The following ST6GALNAC3 variants were observed in gnomAD, a reference collection of about 807,000 sequenced individuals.
ST6GALNAC3 encodes the protein alpha-N-acetylgalactosaminide alpha-2,6-sialyltransferase 3.
Under a neutral mutation model 32.7 loss-of-function variants are expected in ST6GALNAC3, and 25 were observed. The observed-to-expected ratio is 0.76, with a 90% confidence interval of 0.56 to 1.07. The LOEUF is 1.07. Ranked by LOEUF, ST6GALNAC3 falls within the 50% of genes least tolerant of loss-of-function variation. ST6GALNAC3 has a pLI of 0.00. For missense variants in ST6GALNAC3, 355 were observed against 382.4 expected, an observed-to-expected ratio of 0.93 and a Z score of 0.60; for synonymous variants, 129 against 133.1, an observed-to-expected ratio of 0.97 and a Z score of 0.21.
rs185327206 is a variant in ST6GALNAC3 at position 76,570,104 on chromosome 1, T to C, written c.624-57348T>C. On this transcript the variant is annotated intron_variant, in intron 3 of 4. Transcript: ENST00000328299. ...GCTATACTCTGAACTATGGAAATAA[T>C]GGATCTAATTTAGATAGTTAATCCA... is the stretch of plus-strand genomic sequence containing the variant. Among the ~76,000 whole-genome samples the C allele has an allele frequency of 4.5e-4, 68 of 152,288 alleles. No homozygotes were observed. In the Middle Eastern group the frequency reaches 0.01, roughly 23 times the overall value.
At chr1:76,579,463 G>A (rs376471673) in intron 3 of ST6GALNAC3, among the ~76,000 whole-genome samples, 3 of 151,872 alleles carry the variant, frequency 2.0e-5, no homozygotes, top group African/African-American at 7.3e-5. Context: ...AAAATTCACC[G>A]TAAGTCTTAA....
At chr1:76,577,148 C>G (rs1570344286) in intron 3 of ST6GALNAC3, 1 of 1,055,782 alleles carries the variant, frequency 9.5e-7, no homozygotes, top group East Asian at 7.5e-5. Flanking sequence ...AATGTTGTCT[C>G]TCTGTTTTGA....
In ST6GALNAC3 at chr1:76,633,322, C is replaced by T. The variant is rs184259064; in HGVS notation, c.*4516C>T. On this transcript the variant is annotated 3_prime_UTR_variant, in exon 5 of 5. Transcript: ENST00000328299. ...GGCTCCAAATTGTGCTAATTCTGCT[C>T]AGGATGAAACAAATCCCCACGCTGA... 54 of 152,260 alleles carry T rather than the reference C, an allele frequency of 3.5e-4. No homozygotes were observed. The highest frequency in any genetic ancestry group is 1.3e-3 in the African/African-American group (52 of 41,544). 9.4% of individuals were successfully genotyped at this position (152,260 alleles called of 1,614,324 possible).
Position 76,630,001 on chromosome 1 carries a change from A to G in ST6GALNAC3, c.*1195A>G, listed in dbSNP as rs541361301. 8.1e-6 allele frequency: 8 copies of G among 985,174 alleles called. No individual in the cohort carries two copies. The African/African-American group carries it at 1.4e-4, about 17-fold the overall frequency. The allele number at this position is 985,174 out of a possible 1,614,324, so 61.0% of individuals were successfully genotyped here. A position where few individuals can be genotyped will look rare whatever the true frequency, so the allele number is the denominator to read the frequency against. On this transcript the variant is annotated 3_prime_UTR_variant, in exon 5 of 5. Coordinates refer to ENST00000328299, the MANE Select transcript of ST6GALNAC3 (RefSeq NM_152996.4). ...CAATAACAACAATAATAATGTTCTT[A>G]ATGTCCAAAGTGCTTTGTCATTTAG...
chr1:76,311,727 G>A (rs1646767307), intron 1 of ST6GALNAC3, among the ~76,000 whole-genome samples: 1 of 152,136 alleles, frequency 6.6e-6, no homozygotes, highest in Non-Finnish European at 1.5e-5. Flanking sequence ...TGTGAATGGT[G>A]CTGCAATAAA....
rs544387319 is a variant in ST6GALNAC3 at position 76,633,516 on chromosome 1, A to T, written c.*4710A>T. 1.3e-5 allele frequency: 2 copies of T among 152,328 alleles called. No homozygotes were observed. The highest frequency in any genetic ancestry group is 3.9e-4 in the East Asian group (2 of 5,178). 9.4% of individuals were successfully genotyped at this position (152,328 alleles called of 1,614,324 possible). A position where few individuals can be genotyped will look rare whatever the true frequency, so the allele number is the denominator to read the frequency against. Reference sequence around the variant, plus strand: ...GTTTCTTAGTTTCTCTTTGTGATTGAGGATGAGCAAGCCATTGATACACCA... The same window carrying T: ...GTTTCTTAGTTTCTCTTTGTGATTGTGGATGAGCAAGCCATTGATACACCA... On this transcript the variant is annotated 3_prime_UTR_variant, in exon 5 of 5. Transcript: ENST00000328299.
chr1:76,327,888 C>T (rs1211502255), intron 2 of ST6GALNAC3, among the ~76,000 whole-genome samples: 3 of 152,098 alleles, frequency 2.0e-5, no homozygotes, highest in Admixed American at 6.6e-5. Flanking sequence ...CCATGCCTGG[C>T]CCAGAATAAT....
chr1:76,205,767 G>T (rs1476500303), intron 1 of ST6GALNAC3, among the ~76,000 whole-genome samples: 1 of 152,198 alleles, frequency 6.6e-6, no homozygotes, highest in Non-Finnish European at 1.5e-5. Context: ...ATGCTTCAAA[G>T]AATTGAGAAT....
chr1:76,327,159 G>A (rs1037767641), intron 2 of ST6GALNAC3, among the ~76,000 whole-genome samples: 2 of 151,728 alleles, frequency 1.3e-5, no homozygotes, highest in African/African-American at 2.4e-5. Context: ...ACTTCTCAAG[G>A]TTGTATTTTC....
At chr1:76,117,963 A>G (rs1392066938) in intron 1 of ST6GALNAC3, among the ~76,000 whole-genome samples, 1 of 152,196 alleles carries the variant, frequency 6.6e-6, no homozygotes, top group African/African-American at 2.4e-5. Flanking sequence ...TATTTATAAG[A>G]CACAGTAAGT....
chr1:76,264,757 C>T (rs1037287953), intron 1 of ST6GALNAC3, among the ~76,000 whole-genome samples: 1 of 152,060 alleles, frequency 6.6e-6, no homozygotes, highest in African/African-American at 2.4e-5. Context: ...TTAATAGAGC[C>T]ATTAAACCTC....
At chr1:76,565,516 C>T (rs539938810) in intron 3 of ST6GALNAC3, among the ~76,000 whole-genome samples, 35 of 152,232 alleles carry the variant, frequency 2.3e-4, no homozygotes, top group Admixed American at 8.5e-4. Context: ...CGGGCTTCCT[C>T]GAAGTCATCT....
intron 1 of ST6GALNAC3, among the ~76,000 whole-genome samples, chr1:76,096,919 T>TG (rs1316783633): frequency 1.5e-5 from 2 of 136,310 alleles, no homozygotes; most frequent in Non-Finnish European, 3.2e-5. Context: ...GTCATAGAGC[T>TG]TTTTTTTTTT....
chr1:76,287,376 C>CTT (rs1659839729), intron 1 of ST6GALNAC3, among the ~76,000 whole-genome samples: 2 of 132,788 alleles, frequency 1.5e-5, no homozygotes, highest in South Asian at 2.4e-4. Context: ...TGTAGGTTTT[C>CTT]TTTTTTCTTC....
chr1:76,583,690 T>G (rs751858621), intron 3 of ST6GALNAC3, among the ~76,000 whole-genome samples: 12 of 152,176 alleles, frequency 7.9e-5, no homozygotes, highest in Non-Finnish European at 1.6e-4. Context: ...ACTATGTGCT[T>G]AGGACGCTGT....
At chr1:76,604,563 C>A (rs979481317) in intron 3 of ST6GALNAC3, among the ~76,000 whole-genome samples, 1 of 152,124 alleles carries the variant, frequency 6.6e-6, no homozygotes, top group Admixed American at 6.6e-5. Flanking sequence ...CATTCCTGTT[C>A]CTCTTCTCTT....
chr1:76,490,405 AT>A (rs552388588), intron 3 of ST6GALNAC3, among the ~76,000 whole-genome samples: 31 of 150,882 alleles, frequency 2.1e-4, no homozygotes, highest in Middle Eastern at 3.5e-3. Flanking sequence ...AGACACTTCA[AT>A]TTTGGGCACA....
chr1:76,301,331 T>C (rs1373308938), intron 1 of ST6GALNAC3, among the ~76,000 whole-genome samples: 2 of 151,868 alleles, frequency 1.3e-5, no homozygotes, highest in Non-Finnish European at 2.9e-5. Flanking sequence ...GGATGGCTAA[T>C]ACTGTTGGAA....
At position 76,412,094 on chromosome 1, in the gene ST6GALNAC3, A is replaced by C. The variant is rs367711575; in HGVS notation, c.300A>C (p.Arg100=). The C allele has an allele frequency of 8.7e-6, 14 of 1,613,560 alleles. No homozygotes were observed. The highest frequency in any genetic ancestry group is 5.3e-5 in the African/African-American group (4 of 74,868). The part of the protein sequence containing the change: ...VGQKVGNEID[R]SSCIWRMNNA... Reference sequence around the variant, plus strand: ...AGAAGGTGGGAAATGAGATAGATCGATCCTCCTGCATTTGGAGAATGAACA... The same window carrying C: ...AGAAGGTGGGAAATGAGATAGATCGCTCCTCCTGCATTTGGAGAATGAACA... Residue 100 remains arginine (R), a synonymous_variant, in exon 3 of 5, where the codon CGA becomes CGC. Transcript: ENST00000328299.
Sources: gnomAD v4.1 joint callset for allele counts (sites outside exome capture counted in the v4.1 genomes callset) on GRCh38, gnomAD v4.1.1 for gene constraint, MANE v1.5 for transcripts, NCBI Gene and HGNC (gene_info 2026-07-23, HGNC 2026-07-21) for gene names.